Variants in PLXNB2 observed in about 807,000 individuals in gnomAD.
PLXNB2 encodes plexin B2.
Under a neutral mutation model 202.6 loss-of-function variants are expected in PLXNB2, and 85 were observed. The ratio of observed to expected loss-of-function variants is 0.42; its 90% CI spans 0.35 to 0.50. PLXNB2 has a LOEUF of 0.50. Ranked by LOEUF, PLXNB2 falls within the 20% of genes least tolerant of loss-of-function variation. PLXNB2 has a pLI of 0.02. For missense variants in PLXNB2, 2,063 were observed against 2,586.2 expected (o/e 0.80, Z 4.39); for synonymous variants, 1,239 against 1,137.6 (o/e 1.09, Z -1.79).
At chr22:50,280,107 C>A (rs765386001) in intron 25 of PLXNB2, 36 bp from the exon 26 acceptor site, 2 of 1,521,656 alleles carry the variant, frequency 1.3e-6, no homozygotes, top group East Asian at 2.3e-5. Flanking sequence ...CGAGTGACCC[C>A]GTAGTATTCC....
chr22:50,286,742 G>T (rs1569169324), intron 8 of PLXNB2, among the ~76,000 whole-genome samples: 1 of 152,220 alleles, frequency 6.6e-6, no homozygotes, highest in East Asian at 1.9e-4. Context: ...AGGCCCTGCA[G>T]CCTCTGGGAA....
In PLXNB2 at chr22:50,275,620, G is replaced by T; in HGVS notation, c.*84C>A. ...GTTCCAGGGGAGGGTGGGGGCCTCA[G>T]CCACAGCCACTCGGCCTCCTCCCCT... On this transcript the variant is annotated 3_prime_UTR_variant, in exon 37 of 37. Transcript: ENST00000359337. 3 of 979,806 alleles carry T rather than the reference G, an allele frequency of 3.1e-6. No individual in the cohort carries two copies. Among genetic ancestry groups the T allele is most frequent in the South Asian group, 1.6e-5 (1 of 63,618 alleles). The allele number at this position is 979,806 out of a possible 1,614,324, so 60.7% of individuals were successfully genotyped here.
intron 1 of PLXNB2, among the ~76,000 whole-genome samples, 164 bp from the exon 2 acceptor site, chr22:50,294,942 C>G (rs761966744): frequency 6.6e-6 from 1 of 152,244 alleles, no homozygotes; most frequent in Non-Finnish European, 1.5e-5. Flanking sequence ...TCCTCAGACA[C>G]CTCCAGGGCT....
intron 2 of PLXNB2, among the ~76,000 whole-genome samples, chr22:50,293,642 C>A (rs1343884831): frequency 6.6e-6 from 1 of 152,186 alleles, no homozygotes; most frequent in African/African-American, 2.4e-5. Flanking sequence ...AGCGCGGGGG[C>A]GGGGCCCACG....
rs373444055 is a variant in PLXNB2, at chr22:50,276,753, G to A, written c.5262-49C>T. On this transcript the variant is annotated intron_variant, in intron 34 of 36. Transcript: ENST00000359337. ...AGTGTGGGCGGCAGGGACCACAAAG[G>A]GGGTGGTGGGGGAAACCAAGGCCTG... 56 of 1,598,400 alleles carry A rather than the reference G, an allele frequency of 3.5e-5. No homozygotes were observed. In the African/African-American group the frequency reaches 6.0e-4, roughly 17 times the overall value.
intron 1 of PLXNB2, chr22:50,301,502 G>T: frequency 1.8e-6 from 1 of 568,448 alleles, no homozygotes; most frequent in Non-Finnish European, 2.2e-6. Context: ...ACTCTCGTGG[G>T]ATTCTGGGGC....
In PLXNB2 at chr22:50,290,121, C is replaced by T. The variant is rs2066762960; in HGVS notation, c.464G>A (p.Gly155Glu). The change falls in exon 3 of 37, where the codon GGG (glycine) becomes GAG (glutamate). Residue 155 changes from glycine to glutamate, a missense_variant. Physicochemically the swap from Gly to Glu is moderately conservative, Grantham distance 98. Transcript: ENST00000359337. ...ASNDEGVATV[G>E]LVSSTGPGGD... ...ACCAGGACCCGTGGAGCTCACCAGC[C>T]CCACTGTGGCCACGCCCTCATCATT... 1 of 1,613,012 alleles carries T rather than the reference C, an allele frequency of 6.2e-7. No homozygotes were observed. Among genetic ancestry groups the T allele is most frequent in the African/African-American group, 1.3e-5 (1 of 74,946 alleles).
At chr22:50,296,891 G>A (rs2067317019) in intron 1 of PLXNB2, among the ~76,000 whole-genome samples, 1 of 152,206 alleles carries the variant, frequency 6.6e-6, no homozygotes, top group African/African-American at 2.4e-5. Flanking sequence ...GGGGCGGCGG[G>A]AAGGGAGGTG....
chr22:50,307,498 C>A (rs2067933727), intron 1 of PLXNB2, 55 bp downstream of exon 1: 17 of 862,116 alleles, frequency 2.0e-5, no homozygotes, highest in Non-Finnish European at 2.3e-5. Flanking sequence ...GACGGCGAAG[C>A]CCCCCCCACG....
chr22:50,305,109 A>G (rs549085354), intron 1 of PLXNB2, among the ~76,000 whole-genome samples: 2 of 152,350 alleles, frequency 1.3e-5, no homozygotes, highest in Non-Finnish European at 2.9e-5. Flanking sequence ...GCCGGAAGAC[A>G]CAGCCTCTCC....
At chr22:50,282,949 G>A in intron 17 of PLXNB2, 68 bp from the exon 18 acceptor site, 1 of 1,557,384 alleles carries the variant, frequency 6.4e-7, no homozygotes, top group Middle Eastern at 1.7e-4. Flanking sequence ...CGACCAGGCT[G>A]GCCCCGCCAT....
intron 18 of PLXNB2, 115 bp from the exon 19 acceptor site, chr22:50,282,428 T>C (rs2066067172): frequency 9.0e-7 from 1 of 1,109,070 alleles, no homozygotes; most frequent in Non-Finnish European, 1.3e-6. Context: ...GGTGCATGTG[T>C]GGGTCTCGGT....
Position 50,289,494 on chromosome 22 carries a change from C to G in PLXNB2, c.1068+23G>C. On this transcript the variant is annotated intron_variant, in intron 3 of 36. Coordinates refer to ENST00000359337, the MANE Select transcript of PLXNB2 (RefSeq NM_012401.4). The surrounding 1 kb of genome is among the most constrained non-coding windows in gnomAD (Gnocchi z 8.0). The stretch of plus-strand genomic sequence containing the variant: ...ACGGACGCCTGCAGTCCGGGCCCTG[C>G]GAGAACACACTGAGGCCCATACCGG... 6.3e-7 allele frequency: 1 copy of G among 1,582,130 alleles called. No homozygotes were observed. Among genetic ancestry groups the G allele is most frequent in the Non-Finnish European group, 8.6e-7 (1 of 1,162,742 alleles).
In PLXNB2 at chr22:50,275,609, T is replaced by G. The variant is rs1601662338; in HGVS notation, c.*95A>C. On this transcript the variant is annotated 3_prime_UTR_variant, in exon 37 of 37. Coordinates refer to ENST00000359337, the MANE Select transcript of PLXNB2 (RefSeq NM_012401.4). ...GCTTGGGGCGCGTTCCAGGGGAGGG[T>G]GGGGGCCTCAGCCACAGCCACTCGG... 1.2e-6 allele frequency: 1 copy of G among 839,520 alleles called. No individual in the cohort carries two copies. 52.0% of individuals were successfully genotyped at this position (839,520 alleles called of 1,614,324 possible).
In PLXNB2 at chr22:50,289,797, T is replaced by G. The variant is rs1601728521; in HGVS notation, c.788A>C (p.Asp263Ala). ...DPNYYSYLEM[D>A]LQCRDPDIHA... is the part of the protein sequence containing the mutation. The stretch of plus-strand genomic sequence containing the variant: ...GATGTCGGGGTCCCGGCACTGCAGG[T>G]CCATCTCCAGGTAGGAGTAGTAGTT... Residue 263 changes from aspartate (D) to alanine (A), a missense_variant, in exon 3 of 37, where the codon GAC becomes GCC. Coordinates refer to ENST00000359337, the MANE Select transcript of PLXNB2 (RefSeq NM_012401.4). The surrounding 1 kb of genome is among the most constrained non-coding windows in gnomAD (Gnocchi z 8.0). 6.2e-7 allele frequency: 1 copy of G among 1,613,124 alleles called. No homozygotes were observed. Among genetic ancestry groups the G allele is most frequent in the Non-Finnish European group, 8.5e-7 (1 of 1,180,016 alleles).
In PLXNB2 at chr22:50,275,591, G is replaced by T; in HGVS notation, c.*113C>A. 2.7e-6 allele frequency: 2 copies of T among 729,718 alleles called. No homozygotes were observed. Among genetic ancestry groups the T allele is most frequent in the Non-Finnish European group, 4.7e-6 (2 of 428,034 alleles). 45.2% of individuals were successfully genotyped at this position (729,718 alleles called of 1,614,324 possible). ...CCGGCTGCACCCACTCCGGCTTGGGGCGCGTTCCAGGGGAGGGTGGGGGCC... is the reference window on the plus strand; with the variant it reads ...CCGGCTGCACCCACTCCGGCTTGGGTCGCGTTCCAGGGGAGGGTGGGGGCC... On this transcript the variant is annotated 3_prime_UTR_variant, in exon 37 of 37. Transcript: ENST00000359337.
Position 50,281,931 on chromosome 22 carries a change from C to G in PLXNB2, c.3268G>C (p.Glu1090Gln), listed in dbSNP as rs759629858. The G allele has an allele frequency of 5.6e-6, 9 of 1,613,020 alleles. No homozygotes were observed. The highest frequency in any genetic ancestry group is 3.3e-5 in the Admixed American group (2 of 60,000). ...ALLRTEAGAFEYVPDPTFENF... is the reference protein window; with the variant it reads ...ALLRTEAGAFQYVPDPTFENF... ...TCAAAGGTGGGGTCAGGCACGTACT[C>G]GAAGGCCCCGGCCTCTGTTCTGAGC... The change falls in exon 20 of 37, where the codon GAG becomes CAG. Residue 1090 changes from glutamate (E) to glutamine (Q), a missense_variant. Physicochemically the swap from Glu to Gln is conservative, Grantham distance 29. Coordinates refer to ENST00000359337, the MANE Select transcript of PLXNB2 (RefSeq NM_012401.4).
rs759918658 is a variant in PLXNB2 at position 50,282,697 on chromosome 22, G to A, written c.2987+14C>T. 1.3e-6 allele frequency: 2 copies of A among 1,580,800 alleles called. No homozygotes were observed. The highest frequency in any genetic ancestry group is 1.1e-5 in the South Asian group (1 of 88,148). ...TGTGGGGAGCAGAGGGGGGCGGGGG[G>A]ACACCAGCCTCACCTGGCAAAGCTT... On this transcript the variant is annotated intron_variant, in intron 18 of 36. Transcript: ENST00000359337.
chr22:50,286,568 G>A (rs1235497944), intron 8 of PLXNB2, among the ~76,000 whole-genome samples: 5 of 152,224 alleles, frequency 3.3e-5, no homozygotes, highest in Non-Finnish European at 7.3e-5. Context: ...TTTCTCCCCC[G>A]GGTCCAGGTT....
Sources: allele counts gnomAD v4.1 joint callset (sites outside exome capture counted in the v4.1 genomes callset), GRCh38; gene constraint gnomAD v4.1.1; non-coding constraint Gnocchi (gnomAD v3.1); transcripts MANE v1.5; gene names NCBI Gene and HGNC (gene_info 2026-07-23, HGNC 2026-07-21).